Variants in ASNS observed in about 807,000 individuals in gnomAD.
ASNS encodes the protein asparagine synthetase [glutamine-hydrolyzing].
In ASNS, 37 loss-of-function variants were observed where a neutral mutation model predicts 62.6. That is an observed-to-expected ratio of 0.59 (90% confidence interval 0.45 to 0.78). The LOEUF is 0.78. Among genes scored for constraint, ASNS ranks in the 30% least tolerant of loss-of-function variants. The probability of loss-of-function intolerance (pLI) is 0.00; values close to 1 mark genes in which losing one functional copy is unlikely to be tolerated. For synonymous variants in ASNS, 207 were observed against 237.9 expected, an observed-to-expected ratio of 0.87 and a Z score of 1.19; for missense variants, 520 against 682.4, an observed-to-expected ratio of 0.76 and a Z score of 2.65.
intron 4 of ASNS, among the ~76,000 whole-genome samples, chr7:97,860,558 T>G (rs950126685): frequency 2.6e-5 from 4 of 152,200 alleles, no homozygotes; most frequent in African/African-American, 9.6e-5. Flanking sequence ...GTTCCAGTAT[T>G]AGTACAAACA....
the ASNS span, among the ~76,000 whole-genome samples, chr7:97,918,893 A>T: frequency 6.6e-6 from 1 of 152,162 alleles, no homozygotes; most frequent in African/African-American, 2.4e-5. Flanking sequence ...ATGTATACCT[A>T]TGTAACAAAC....
chr7:97,879,981 G>C, the ASNS span, among the ~76,000 whole-genome samples: 4 of 152,172 alleles, frequency 2.6e-5, no homozygotes, highest in East Asian at 1.9e-4. Context: ...GTGATGCTGT[G>C]ATGATTGTTC....
chr7:97,914,998 G>A, the ASNS span, among the ~76,000 whole-genome samples: 1 of 152,230 alleles, frequency 6.6e-6, no homozygotes, highest in Non-Finnish European at 1.5e-5. Flanking sequence ...CTGAAGAAGA[G>A]CGGGGGGCAT....
chr7:97,881,748 C>T, the ASNS span, among the ~76,000 whole-genome samples: 690 of 152,216 alleles, frequency 4.5e-3, 5 homozygotes, highest in African/African-American at 0.016. Flanking sequence ...GCAATGGATA[C>T]GATTGGGTGC....
At chr7:97,870,095 T>C in intron 1 of ASNS, 1 of 377,574 alleles carries the variant, frequency 2.6e-6, no homozygotes. Context: ...ACTTTCCAAT[T>C]TCAAATTCTC....
chr7:97,881,317 T>C, the ASNS span, among the ~76,000 whole-genome samples: 1 of 152,038 alleles, frequency 6.6e-6, no homozygotes, highest in Non-Finnish European at 1.5e-5. Flanking sequence ...TATCATTAAA[T>C]ACATTCACAA....
At chr7:97,896,684 A>G in the ASNS span, among the ~76,000 whole-genome samples, 6 of 129,880 alleles carry the variant, frequency 4.6e-5, no homozygotes, top group African/African-American at 1.7e-4. Flanking sequence ...GTGTGTGTAT[A>G]TATATATGTA....
At chr7:97,906,401 T>A in the ASNS span, 1 of 286,654 alleles carries the variant, frequency 3.5e-6, no homozygotes, top group Non-Finnish European at 6.7e-6. Flanking sequence ...TCAACTACCC[T>A]CCAACCCATG....
Position 97,869,107 on chromosome 7 carries a change from T to C in ASNS, c.50A>G (p.Gln17Arg), listed in dbSNP as rs750629149. The C allele has an allele frequency of 1.2e-6, 2 of 1,614,190 alleles. No individual in the cohort carries two copies. The highest frequency in any genetic ancestry group is 1.7e-6 in the Non-Finnish European group (2 of 1,180,036). Residue 17 changes from glutamine (Q) to arginine (R), a missense_variant, in exon 3 of 13, where the codon CAG becomes CGG. Coordinates refer to ENST00000394308, the MANE Select transcript of ASNS (RefSeq NM_001673.5). ...LFGSDDCLSVQCLSAMKIAHR... is the reference protein window; with the variant it reads ...LFGSDDCLSVRCLSAMKIAHR... ...TGCAATCTTCATAGCACTCAGACAC[T>C]GAACAGAAAGGCAATCATCACTGCC...
the ASNS span, among the ~76,000 whole-genome samples, chr7:97,911,346 T>A: frequency 1.3e-5 from 2 of 152,136 alleles, no homozygotes; most frequent in African/African-American, 2.4e-5. Context: ...ATAATAATAA[T>A]AAAAAACCTT....
At chr7:97,882,752 A>G in the ASNS span, among the ~76,000 whole-genome samples, 1 of 146,760 alleles carries the variant, frequency 6.8e-6, no homozygotes, top group African/African-American at 2.5e-5. Flanking sequence ...TTGAGTCGTA[A>G]TGGAAAATAA....
chr7:97,868,823 G>A (rs1792105510), intron 3 of ASNS, 85 bp downstream of exon 3: 1 of 1,557,360 alleles, frequency 6.4e-7, no homozygotes, highest in Non-Finnish European at 8.7e-7. Flanking sequence ...AAAGGAAAAA[G>A]CATGATACAG....
At chr7:97,869,370 G>A (rs112273881) in intron 2 of ASNS, among the ~76,000 whole-genome samples, 191 bp from the exon 3 acceptor site, 4 of 152,122 alleles carry the variant, frequency 2.6e-5, no homozygotes, top group South Asian at 2.1e-4. Context: ...ACAGGTATTC[G>A]GAAAAGATAG....
chr7:97,895,568 C>T, the ASNS span, among the ~76,000 whole-genome samples: 10 of 152,258 alleles, frequency 6.6e-5, no homozygotes, highest in Middle Eastern at 3.4e-3. Flanking sequence ...CCAAGGTGGA[C>T]GGATCACCTG....
the ASNS span, among the ~76,000 whole-genome samples, chr7:97,925,407 C>T: frequency 1.3e-5 from 2 of 152,124 alleles, no homozygotes; most frequent in African/African-American, 2.4e-5. Flanking sequence ...GTTTTGCTCA[C>T]GTACCACTCC....
At position 97,852,300 on chromosome 7, in the gene ASNS, C is replaced by G. The variant is rs766586629; in HGVS notation, c.1645G>C (p.Ala549Pro). 6.2e-6 allele frequency: 10 copies of G among 1,614,014 alleles called. No homozygotes were observed. Residue 549 changes from alanine (A) to proline (P), a missense_variant, in exon 13 of 13, where the codon GCC becomes CCC. Transcript: ENST00000394308. ...PKWINATDPS[A>P]RTLTHYKSAV... ...GACTTGTAGTGGGTCAGCGTGCGGG[C>G]AGAAGGGTCAGTGGCATTGATCCAC...
At chr7:97,906,243 C>CCCA in the ASNS span, among the ~76,000 whole-genome samples, 118 of 151,844 alleles carry the variant, frequency 7.8e-4, no homozygotes, top group South Asian at 3.5e-3. Flanking sequence ...CTACCAGTTT[C>CCCA]CCACCACCAC....
intron 1 of ASNS, among the ~76,000 whole-genome samples, chr7:97,871,097 A>G (rs189569142): frequency 2.0e-5 from 3 of 152,332 alleles, no homozygotes; most frequent in Admixed American, 2.0e-4. Context: ...TAGTAGCCCC[A>G]TTAAAAGAAA....
chr7:97,864,155 C>T (rs1584470942), intron 4 of ASNS, 104 bp downstream of exon 4: 26 of 1,025,948 alleles, frequency 2.5e-5, no homozygotes, highest in Non-Finnish European at 3.7e-5. Flanking sequence ...AACTTAGTCA[C>T]TTGTAAAATT....
Sources: allele counts gnomAD v4.1 joint callset (sites outside exome capture counted in the v4.1 genomes callset), GRCh38; gene constraint gnomAD v4.1.1; transcripts MANE v1.5; gene names NCBI Gene and HGNC (gene_info 2026-07-23, HGNC 2026-07-21).